Variants in MYH7 observed in about 807,000 individuals in gnomAD.
MYH7 encodes the protein myosin heavy chain 7.
A neutral mutation model predicts 225.4 loss-of-function variants in MYH7; 129 were observed. That is an observed-to-expected ratio of 0.57 (90% CI 0.50 to 0.66). The LOEUF (loss-of-function observed/expected upper bound fraction) is 0.66, where lower values mean the gene tolerates loss of function less well. Ranked by LOEUF, MYH7 falls within the 30% of genes least tolerant of loss-of-function variation. The pLI is 0.00. For synonymous variants in MYH7, 971 were observed against 1,007.6 expected, an observed-to-expected ratio of 0.96 and a Z score of 0.69; for missense variants, 1,649 against 2,517.0, an observed-to-expected ratio of 0.66 and a Z score of 7.38.
In MYH7 at chr14:23,413,665, A is replaced by G. The variant is rs550398080; in HGVS notation, c.5790+94T>C. On this transcript the variant is annotated intron_variant, in intron 39 of 39. Transcript: ENST00000355349. The stretch of plus-strand genomic sequence containing the variant: ...GGGGCCATGTGGCTCAAGTGTGTGG[A>G]ATAAATGAAAAGGAAGCATCCCGGG... 5.7e-5 allele frequency: 88 copies of G among 1,556,882 alleles called. 1 individual carries two copies. In the Admixed American group the frequency reaches 1.6e-3, roughly 28 times the overall value.
Position 23,433,505 on chromosome 14 carries a change from G to A in MYH7, c.201+27C>T, listed in dbSNP as rs1893031057. On this transcript the variant is annotated intron_variant, in intron 3 of 39. Coordinates refer to ENST00000355349, the MANE Select transcript of MYH7 (RefSeq NM_000257.4). This position sits in a 1 kb window ranked among gnomAD's most constrained non-coding sequence, Gnocchi z 4.1. ...ACCCAGGTGTACAGGTGGCCAGGGT[G>A]GACTCTCACATCAGCCTGACACCCA... The A allele has an allele frequency of 1.2e-6, 2 of 1,610,876 alleles. No homozygotes were observed. The highest frequency in any genetic ancestry group is 2.7e-5 in the African/African-American group (2 of 74,978).
At position 23,425,047 on chromosome 14, in the gene MYH7, G is replaced by C. The variant is rs754282847; in HGVS notation, c.2424-23C>G. On this transcript the variant is annotated intron_variant, in intron 21 of 39. Coordinates refer to ENST00000355349, the MANE Select transcript of MYH7 (RefSeq NM_000257.4). This position sits in a 1 kb window ranked among gnomAD's most constrained non-coding sequence, Gnocchi z 4.6. ...TCTCTGCAGGGGCCCATTGAAAGGA[G>C]TGCTGAGCCTCCTGCCTCCTTCCTA... The C allele has an allele frequency of 6.2e-7, 1 of 1,614,152 alleles. No individual in the cohort carries two copies. Among genetic ancestry groups the C allele is most frequent in the South Asian group, 1.1e-5 (1 of 91,080 alleles).
At position 23,428,954 on chromosome 14, in the gene MYH7, C is replaced by T. The variant is rs113476693; in HGVS notation, c.1407+1G>A. On this transcript the variant is annotated splice_donor_variant, in intron 14 of 39. Coordinates refer to ENST00000355349, the MANE Select transcript of MYH7 (RefSeq NM_000257.4). LOFTEE classifies it high-confidence loss of function. The stretch of plus-strand genomic sequence containing the variant: ...TCCCACTCCCAGGGGTCCCAACTCA[C>T]ATCGAAGATCTCGAAGCCAGCGATG... 6.2e-7 allele frequency: 1 copy of T among 1,614,212 alleles called. No homozygotes were observed. The highest frequency in any genetic ancestry group is 8.5e-7 in the Non-Finnish European group (1 of 1,180,044).
At chr14:23,420,348 T>C (rs1250004107) in intron 26 of MYH7, 114 bp from the exon 27 acceptor site, 1 of 1,530,052 alleles carries the variant, frequency 6.5e-7, no homozygotes, top group Non-Finnish European at 8.8e-7. Context: ...GCTCTTCCAG[T>C]GGAGAGGTGG....
chr14:23,425,618 A>T lies in MYH7; in HGVS notation c.2286+77T>A. ...ACAGGTAAGAGATTTTGCTAAGATG[A>T]TTACAACAGGAAAAGCATCAGAGGA... is the stretch of plus-strand genomic sequence containing the variant. On this transcript the variant is annotated intron_variant, in intron 20 of 39. Transcript: ENST00000355349. This position sits in a 1 kb window ranked among gnomAD's most constrained non-coding sequence, Gnocchi z 4.6. The T allele has an allele frequency of 1.2e-6, 2 of 1,610,156 alleles. No individual in the cohort carries two copies. The highest frequency in any genetic ancestry group is 1.7e-6 in the Non-Finnish European group (2 of 1,177,858).
In MYH7 at chr14:23,417,674, G is replaced by A. The variant is rs765895405; in HGVS notation, c.4182C>T (p.Ala1394=). 6.9e-5 allele frequency: 111 copies of A among 1,612,770 alleles called. No individual in the cohort carries two copies. Among genetic ancestry groups the A allele is most frequent in the Middle Eastern group, 4.0e-4 (2 of 5,050 alleles). Reference sequence around the variant, plus strand: ...CCTCCTCAGCTTCCTGCAGCCGCTGGGCCAGCTTCTTCCTGCCCAGGGGAG... The same window carrying A: ...CCTCCTCAGCTTCCTGCAGCCGCTGAGCCAGCTTCTTCCTGCCCAGGGGAG... The part of the protein sequence containing the change: ...EELEEAKKKL[A]QRLQEAEEAV... The change falls in exon 31 of 40, where the codon GCC becomes GCT. Residue 1394 remains alanine, a synonymous_variant. Coordinates refer to ENST00000355349, the MANE Select transcript of MYH7 (RefSeq NM_000257.4).
chr14:23,424,870 T>C lies in MYH7; in HGVS notation c.2578A>G (p.Lys860Glu), dbSNP rs759225115. The C allele has an allele frequency of 1.2e-6, 2 of 1,614,116 alleles. No individual in the cohort carries two copies. The highest frequency in any genetic ancestry group is 1.7e-6 in the Non-Finnish European group (2 of 1,180,042). ...GCCTCGGACTTCTCTAGCGCCTCTTTGAGGCGTGTGAACTCCTCCTTCATG... is the reference window on the plus strand; with the variant it reads ...GCCTCGGACTTCTCTAGCGCCTCTTCGAGGCGTGTGAACTCCTCCTTCATG... ...ASMKEEFTRL[K>E]EALEKSEARR... Residue 860 changes from lysine to glutamate, a missense_variant, in exon 22 of 40, where the codon AAA becomes GAA. Transcript: ENST00000355349.
At chr14:23,431,324 CAG>C (rs920489501) in intron 9 of MYH7, 92 bp downstream of exon 9, 13 of 1,276,080 alleles carry the variant, frequency 1.0e-5, no homozygotes, top group East Asian at 9.2e-5. Context: ...AGGAGAAAAA[CAG>C]AGGGAGGGAG....
rs928227757 is a variant in MYH7 at position 23,417,183 on chromosome 14, T to A, written c.4489A>T (p.Thr1497Ser). ...AGGTTTTTGTTCTCCCGCTTGAAGG[T>A]CTCCAGATGTTCCAGGGACTCCTCA... ...AYEESLEHLE[T>S]FKRENKNLQE... Residue 1497 changes from threonine to serine, a missense_variant, in exon 32 of 40, where the codon ACC (threonine) becomes TCC (serine). Around this residue, in one of 12 missense-constraint regions of MYH7, gnomAD observed 687 missense variants for 913.8 expected, o/e 0.75. Transcript: ENST00000355349. The A allele has an allele frequency of 7.4e-6, 12 of 1,613,972 alleles. No homozygotes were observed. The highest frequency in any genetic ancestry group is 3.3e-5 in the Admixed American group (2 of 60,004).
intron 39 of MYH7, 39 bp downstream of exon 39, chr14:23,413,720 C>T (rs373150382): frequency 6.2e-7 from 1 of 1,612,708 alleles, no homozygotes; most frequent in East Asian, 2.2e-5. Flanking sequence ...GGTATGCCTG[C>T]TGTGGGGGTG....
chr14:23,425,634 C>T lies in MYH7; in HGVS notation c.2286+61G>A, dbSNP rs1892663803. On this transcript the variant is annotated intron_variant, in intron 20 of 39. Coordinates refer to ENST00000355349, the MANE Select transcript of MYH7 (RefSeq NM_000257.4). The surrounding 1 kb of genome is among the most constrained non-coding windows in gnomAD (Gnocchi z 4.6). ...GCTAAGATGATTACAACAGGAAAAG[C>T]ATCAGAGGAGTCAATGGAAAAGAGA... 12 of 1,612,484 alleles carry T rather than the reference C, an allele frequency of 7.4e-6. No individual in the cohort carries two copies. The highest frequency in any genetic ancestry group is 3.3e-5 in the South Asian group (3 of 90,998).
chr14:23,433,267 C>A lies in MYH7; in HGVS notation c.202-40G>T. On this transcript the variant is annotated intron_variant, in intron 3 of 39. Transcript: ENST00000355349. This position sits in a 1 kb window ranked among gnomAD's most constrained non-coding sequence, Gnocchi z 4.1. The stretch of plus-strand genomic sequence containing the variant: ...ACCCAAGCCCTCCTGTCAGCCTGGG[C>A]TTTCCCTCCTTCCTCAAGAGGGTTA... 6.2e-7 allele frequency: 1 copy of A among 1,613,902 alleles called. No individual in the cohort carries two copies. The highest frequency in any genetic ancestry group is 8.5e-7 in the Non-Finnish European group (1 of 1,179,908).
Position 23,433,455 on chromosome 14 carries a change from G to C in MYH7, c.201+77C>G. The stretch of plus-strand genomic sequence containing the variant: ...CATCCTCAGGTCTGCATGGGCATGG[G>C]GCATGGGTGTACCCCTCTCTGTCCA... On this transcript the variant is annotated intron_variant, in intron 3 of 39. Coordinates refer to ENST00000355349, the MANE Select transcript of MYH7 (RefSeq NM_000257.4). This position sits in a 1 kb window ranked among gnomAD's most constrained non-coding sequence, Gnocchi z 4.1. The C allele has an allele frequency of 6.5e-7, 1 of 1,533,286 alleles. No homozygotes were observed. The highest frequency in any genetic ancestry group is 9.0e-7 in the Non-Finnish European group (1 of 1,113,700). The allele number at this position is 1,533,286 out of a possible 1,614,324, so 95.0% of individuals were successfully genotyped here.
At position 23,417,750 on chromosome 14, in the gene MYH7, C is replaced by T. The variant is rs1595075606; in HGVS notation, c.4170-64G>A. ...GGGTGTGGATGGGGACAAGAGGAAA[C>T]AACATGAACCTTCTCAAAGACAATC... On this transcript the variant is annotated intron_variant, in intron 30 of 39. Transcript: ENST00000355349. 2.2e-5 allele frequency: 35 copies of T among 1,579,120 alleles called. 1 individual carries two copies. The East Asian group carries it at 7.6e-4, about 34-fold the overall frequency.
At position 23,428,682 on chromosome 14, in the gene MYH7, A is replaced by G. The variant is rs533480894; in HGVS notation, c.1408-12T>C. 2 of 1,614,034 alleles carry G rather than the reference A, an allele frequency of 1.2e-6. No homozygotes were observed. Among genetic ancestry groups the G allele is most frequent in the African/African-American group, 2.7e-5 (2 of 75,020 alleles). The stretch of plus-strand genomic sequence containing the variant: ...TCAAAGCTGTTGAACTGCAGGGGGC[A>G]TGAGGGGTGGGAGCAGTCAGAAAGT... On this transcript the variant is annotated splice_polypyrimidine_tract_variant and intron_variant, in intron 14 of 39. Transcript: ENST00000355349.
chr14:23,423,590 G>T lies in MYH7; in HGVS notation c.3056C>A (p.Thr1019Asn), dbSNP rs755392435. The change falls in exon 24 of 40, where the codon ACC becomes AAC. Residue 1019 changes from threonine (T) to asparagine (N), a missense_variant. Thr to Asn is a moderately conservative substitution (Grantham distance 65, BLOSUM62 0). Around this residue, in one of 12 missense-constraint regions of MYH7, gnomAD observed 282 missense variants for 315.3 expected, o/e 0.89. Transcript: ENST00000355349. Reference protein sequence around the residue: ...DLQAEEDKVNTLTKAKVKLEQ... With the variant: ...DLQAEEDKVNNLTKAKVKLEQ... ...CAGCTTGACTTTGGCCTTAGTCAGGGTGTTGACCTTGTCCTCCTCGGCCTG... is the reference window on the plus strand; with the variant it reads ...CAGCTTGACTTTGGCCTTAGTCAGGTTGTTGACCTTGTCCTCCTCGGCCTG... The T allele has an allele frequency of 9.9e-6, 16 of 1,613,918 alleles. No individual in the cohort carries two copies. The highest frequency in any genetic ancestry group is 5.0e-5 in the Admixed American group (3 of 59,982).
intron 30 of MYH7, chr14:23,417,961 AG>A: frequency 1.2e-6 from 1 of 866,656 alleles, no homozygotes; most frequent in Non-Finnish European, 2.0e-6. Context: ...TCCCTGCCAC[AG>A]TGCCCTGCCC....
intron 23 of MYH7, 84 bp from the exon 24 acceptor site, chr14:23,423,807 T>A (rs772427698): frequency 2.5e-6 from 4 of 1,613,394 alleles, no homozygotes; most frequent in Non-Finnish European, 3.4e-6. Context: ...TCAAGGTCCA[T>A]GCTGCTCTCT....
In MYH7 at chr14:23,427,668, T is replaced by C. The variant is rs730880880; in HGVS notation, c.1805A>G (p.Asn602Ser). 1 of 1,614,142 alleles carries C rather than the reference T, an allele frequency of 6.2e-7. No individual in the cohort carries two copies. The highest frequency in any genetic ancestry group is 1.7e-5 in the Admixed American group (1 of 60,020). Residue 602 changes from asparagine (N) to serine (S), a missense_variant, in exon 16 of 40, where the codon AAT becomes AGT. By Grantham distance (46) the Asn-to-Ser change is conservative. Coordinates refer to ENST00000355349, the MANE Select transcript of MYH7 (RefSeq NM_000257.4). The stretch of plus-strand genomic sequence containing the variant: ...CTGATACAAGCCCACGACAGTCTCA[T>C]TGAGAGGATCCTTGTTCTTCTGCAG... ...GWLQKNKDPL[N>S]ETVVGLYQKS...
Sources: gnomAD v4.1 joint callset for allele counts on GRCh38, gnomAD v4.1.1 for gene constraint, gnomAD v4.1.1 regional missense constraint, Gnocchi (gnomAD v3.1) non-coding constraint, MANE v1.5 for transcripts, NCBI Gene and HGNC (gene_info 2026-07-23, HGNC 2026-07-21) for gene names.